TRPM3: variants seen among roughly 807,000 people sequenced by gnomAD.
The protein encoded by TRPM3 is long transient receptor potential channel 3.
TRPM3 carries 77 observed loss-of-function variants against 181.2 expected under a neutral mutation model. The observed-to-expected ratio is 0.42, with a 90% CI of 0.35 to 0.51. The LOEUF (loss-of-function observed/expected upper bound fraction) is 0.51, where lower values mean the gene tolerates loss of function less well. TRPM3 is among the 20% of genes least tolerant of loss of function. TRPM3 has a pLI of 0.01. For synonymous variants in TRPM3, 745 were observed against 796.4 expected (o/e 0.94, Z 1.09); for missense variants, 1,759 against 2,196.7 (o/e 0.80, Z 3.98).
chr9:71,168,458 T>C, intron 1 of TRPM3, among the ~76,000 whole-genome samples: 1 of 150,812 alleles, frequency 6.6e-6, no homozygotes, highest in East Asian at 1.9e-4. Context: ...CTGTTCACCA[T>C]TCTTGGCAAT....
intron 1 of TRPM3, among the ~76,000 whole-genome samples, chr9:70,873,737 A>T (rs1482054800): frequency 6.6e-6 from 1 of 151,976 alleles, no homozygotes; most frequent in Non-Finnish European, 1.5e-5. Context: ...CACTTCCATT[A>T]GGGGAAGAGT....
At chr9:71,298,155 G>T (rs551343789) in intron 1 of TRPM3, among the ~76,000 whole-genome samples, 2 of 152,024 alleles carry the variant, frequency 1.3e-5, no homozygotes, top group African/African-American at 2.4e-5. Flanking sequence ...TTTACTGCAG[G>T]ATATCTTAAG....
At chr9:71,125,556 A>T (rs2073979377), upstream of TRPM3, among the ~76,000 whole-genome samples, 1 of 152,176 alleles carries the variant, frequency 6.6e-6, no homozygotes, top group African/African-American at 2.4e-5. Context: ...ATAGTATTCC[A>T]TGGTGTATAT....
At chr9:71,066,152 A>T (rs898054695) in intron 1 of TRPM3, among the ~76,000 whole-genome samples, 3 of 152,216 alleles carry the variant, frequency 2.0e-5, no homozygotes, top group Non-Finnish European at 4.4e-5. Context: ...TTAAAGTTAG[A>T]AAAAATAAGC....
intron 1 of TRPM3, among the ~76,000 whole-genome samples, chr9:71,176,698 C>T (rs2077120778): frequency 6.6e-6 from 1 of 152,238 alleles, no homozygotes; most frequent in African/African-American, 2.4e-5. Context: ...CCCAGAGCAA[C>T]TTCCAGTCCT....
At chr9:71,071,320 T>C (rs1201014582) in intron 1 of TRPM3, among the ~76,000 whole-genome samples, 1 of 152,188 alleles carries the variant, frequency 6.6e-6, no homozygotes, top group Non-Finnish European at 1.5e-5. Context: ...CATTCTTTTA[T>C]TTGAGGCACT....
At chr9:70,825,125 A>AG (rs955667382) in intron 6 of TRPM3, 3 of 152,112 alleles carry the variant, frequency 2.0e-5, no homozygotes, top group African/African-American at 7.2e-5. Flanking sequence ...GCCCAGACTG[A>AG]GGGGGCCCAG....
intron 1 of TRPM3, among the ~76,000 whole-genome samples, chr9:71,001,630 TA>T (rs2097603304): frequency 6.6e-6 from 1 of 152,176 alleles, no homozygotes. Context: ...TTTCCTCCTG[TA>T]AAAACATTGA....
At chr9:71,101,764 T>C (rs2068431558) in intron 1 of TRPM3, among the ~76,000 whole-genome samples, 1 of 152,192 alleles carries the variant, frequency 6.6e-6, no homozygotes, top group Non-Finnish European at 1.5e-5. Flanking sequence ...AGAGTAGATA[T>C]GTCCTCTTCA....
At chr9:70,958,653 C>T (rs140120793) in intron 1 of TRPM3, among the ~76,000 whole-genome samples, 2 of 152,106 alleles carry the variant, frequency 1.3e-5, no homozygotes, top group Non-Finnish European at 1.5e-5. Flanking sequence ...CATCCCATTT[C>T]TGGGTATATA....
At chr9:70,899,292 T>C (rs2096346282) in intron 1 of TRPM3, among the ~76,000 whole-genome samples, 1 of 152,222 alleles carries the variant, frequency 6.6e-6, no homozygotes, top group Admixed American at 6.5e-5. Context: ...GGAAGTGATC[T>C]TACTGTTACT....
intron 8 of TRPM3, among the ~76,000 whole-genome samples, chr9:70,760,346 G>A (rs2077883399): frequency 6.6e-6 from 1 of 150,578 alleles, no homozygotes; most frequent in South Asian, 2.1e-4. Flanking sequence ...TAGAAGCTCA[G>A]GGCTTCAGTG....
chr9:70,951,144 A>G (rs1365271854), intron 1 of TRPM3, among the ~76,000 whole-genome samples: 1 of 152,182 alleles, frequency 6.6e-6, no homozygotes, highest in Non-Finnish European at 1.5e-5. Context: ...TTTGATATAA[A>G]TTCATACTTA....
chr9:70,618,628 T>G (rs1284672890), intron 17 of TRPM3, among the ~76,000 whole-genome samples: 1 of 152,190 alleles, frequency 6.6e-6, no homozygotes, highest in Non-Finnish European at 1.5e-5. Context: ...CGAAAAATAT[T>G]AATGTCCAGG....
At chr9:70,886,717 T>C (rs973235262) in intron 1 of TRPM3, among the ~76,000 whole-genome samples, 2 of 151,750 alleles carry the variant, frequency 1.3e-5, no homozygotes, top group African/African-American at 4.8e-5. Context: ...CAGGCTGGAG[T>C]GTAATGGCAC....
intron 1 of TRPM3, among the ~76,000 whole-genome samples, chr9:71,233,065 A>G (rs1372728650): frequency 6.6e-6 from 1 of 152,166 alleles, no homozygotes; most frequent in South Asian, 2.1e-4. Context: ...AAAGTGCCAT[A>G]TGTAGCTAGA....
rs182182296 is a variant in TRPM3, at chr9:70,990,687, A to T, written c.178-126176T>A. Among the ~76,000 whole-genome samples the T allele has an allele frequency of 2.4e-3, 372 of 152,272 alleles. 2 individuals carry two copies. Among genetic ancestry groups the T allele is most frequent in the African/African-American group, 8.2e-3 (340 of 41,576 alleles). ...TTAAACTGTGTGTGTGAGTGCACACACAGGACTGCACATACATGTGGTTAA... is the reference window on the plus strand; with the variant it reads ...TTAAACTGTGTGTGTGAGTGCACACTCAGGACTGCACATACATGTGGTTAA... On this transcript the variant is annotated intron_variant, in intron 1 of 25. Coordinates refer to ENST00000677713, the MANE Select transcript of TRPM3 (RefSeq NM_001366145.2).
chr9:71,030,160 TAA>T (rs1488114006), intron 1 of TRPM3, among the ~76,000 whole-genome samples: 1 of 152,268 alleles, frequency 6.6e-6, no homozygotes, highest in Non-Finnish European at 1.5e-5. Flanking sequence ...TTATATTTTG[TAA>T]AGTTTGTTTA....
chr9:71,261,776 C>A (rs1441391904), intron 1 of TRPM3, among the ~76,000 whole-genome samples: 1 of 152,160 alleles, frequency 6.6e-6, no homozygotes, highest in African/African-American at 2.4e-5. Context: ...TGCAGGTCTG[C>A]TGGAGTTTGT....
Sources: gnomAD v4.1 joint callset for allele counts (sites outside exome capture counted in the v4.1 genomes callset) on GRCh38, gnomAD v4.1.1 for gene constraint, MANE v1.5 for transcripts, NCBI Gene and HGNC (gene_info 2026-07-23, HGNC 2026-07-21) for gene names.